The following DDX10 variants were observed in gnomAD, a reference collection of about 807,000 sequenced individuals.
The protein encoded by DDX10 is probable ATP-dependent RNA helicase DDX10.
A neutral mutation model predicts 104.3 loss-of-function variants in DDX10; 74 were observed. That is an observed-to-expected ratio of 0.71 (90% CI 0.59 to 0.86). The LOEUF is 0.86. DDX10 is among the 40% of genes least tolerant of loss of function. The pLI, the probability that DDX10 is intolerant of heterozygous loss-of-function variation, is 0.00. For missense variants in DDX10, 952 were observed against 1,040.0 expected (o/e 0.92, Z 1.16); for synonymous variants, 351 against 353.4 (o/e 0.99, Z 0.08).
intron 13 of DDX10, among the ~76,000 whole-genome samples, chr11:108,728,645 G>A (rs139348982): frequency 6.6e-6 from 1 of 151,554 alleles, no homozygotes; most frequent in East Asian, 1.9e-4. Context: ...CTCCTGAGTA[G>A]CTAGGACTTC....
At chr11:108,905,312 A>AGGGGG (rs35966996) in intron 16 of DDX10, among the ~76,000 whole-genome samples, 2 of 106,716 alleles carry the variant, frequency 1.9e-5, no homozygotes, top group African/African-American at 8.4e-5. Context: ...AGATTGTTTA[A>AGGGGG]GGGGGGGGGG....
At chr11:108,914,621 A>G (rs1050606885) in intron 16 of DDX10, among the ~76,000 whole-genome samples, 6 of 152,204 alleles carry the variant, frequency 3.9e-5, no homozygotes, top group African/African-American at 1.4e-4. Context: ...TATGTTATCT[A>G]CAATCTCCAG....
chr11:108,905,736 G>A (rs1195691656), intron 16 of DDX10, among the ~76,000 whole-genome samples: 20 of 152,056 alleles, frequency 1.3e-4, no homozygotes, highest in Non-Finnish European at 2.9e-5. Context: ...TTAGGCTGTT[G>A]TTGCATTACT....
chr11:108,898,103 T>C (rs2553769), intron 16 of DDX10, among the ~76,000 whole-genome samples: 137,179 of 152,186 alleles, frequency 0.9, 62,269 homozygotes, highest in East Asian at 0.96. Flanking sequence ...AACATTTGTA[T>C]ATACAGTGCC....
At chr11:108,680,513 C>T (rs1565244516) in intron 6 of DDX10, among the ~76,000 whole-genome samples, 2 of 152,146 alleles carry the variant, frequency 1.3e-5, no homozygotes, top group Admixed American at 6.5e-5. Context: ...GCCACTGTGC[C>T]CAGCTGGGAT....
At chr11:108,897,235 C>A (rs1472236554) in intron 16 of DDX10, among the ~76,000 whole-genome samples, 1 of 152,162 alleles carries the variant, frequency 6.6e-6, no homozygotes, top group Non-Finnish European at 1.5e-5. Context: ...GTTTGACTAG[C>A]TGCAAGCAGG....
intron 13 of DDX10, among the ~76,000 whole-genome samples, chr11:108,835,578 G>T (rs943830041): frequency 6.6e-6 from 1 of 152,200 alleles, no homozygotes; most frequent in Admixed American, 6.5e-5. Flanking sequence ...AAGAAGCAGC[G>T]AAAGCAATAA....
At chr11:108,837,706 T>C (rs369280172) in intron 13 of DDX10, among the ~76,000 whole-genome samples, 20 of 131,778 alleles carry the variant, frequency 1.5e-4, no homozygotes, top group African/African-American at 5.6e-4. Flanking sequence ...CACTGCAGCC[T>C]CCACCTCCTG....
chr11:108,789,763 T>G (rs952606895), intron 13 of DDX10, among the ~76,000 whole-genome samples: 1 of 152,180 alleles, frequency 6.6e-6, no homozygotes, highest in Admixed American at 6.5e-5. Flanking sequence ...CCAGGAAAAC[T>G]TTGTTACTTA....
At chr11:108,775,569 T>C (rs1365726847) in intron 13 of DDX10, among the ~76,000 whole-genome samples, 2 of 152,238 alleles carry the variant, frequency 1.3e-5, no homozygotes, top group Admixed American at 6.5e-5. Context: ...TCAGGTAGCA[T>C]GTGAGAACAG....
intron 16 of DDX10, among the ~76,000 whole-genome samples, chr11:108,888,763 G>T (rs1371297392): frequency 6.6e-6 from 1 of 150,574 alleles, no homozygotes; most frequent in African/African-American, 2.4e-5. Context: ...TGTCTGACAA[G>T]ATTTATCAAA....
chr11:108,738,722 G>A (rs561543236), intron 13 of DDX10, among the ~76,000 whole-genome samples: 2 of 152,240 alleles, frequency 1.3e-5, no homozygotes, highest in South Asian at 2.1e-4. Context: ...ATTTACTGAC[G>A]AAAGAGACTT....
intron 13 of DDX10, among the ~76,000 whole-genome samples, chr11:108,813,645 A>G (rs1296021909): frequency 6.6e-6 from 1 of 152,100 alleles, no homozygotes; most frequent in Non-Finnish European, 1.5e-5. Flanking sequence ...CAGGGCCTTC[A>G]CTACTCTAAT....
At chr11:108,672,549 A>G (rs1176847108) in intron 1 of DDX10, among the ~76,000 whole-genome samples, 6 of 152,262 alleles carry the variant, frequency 3.9e-5, no homozygotes, top group Non-Finnish European at 7.3e-5. Flanking sequence ...TGGAGGGCAC[A>G]GAGTAAACAC....
At chr11:108,675,848 C>G (rs888173915) in intron 3 of DDX10, 122 bp downstream of exon 3, 2 of 1,276,562 alleles carry the variant, frequency 1.6e-6, no homozygotes, top group Non-Finnish European at 2.2e-6. Context: ...GGCTAGAATG[C>G]GAGCTTCATC....
At chr11:108,928,055 C>T in intron 17 of DDX10, among the ~76,000 whole-genome samples, 1 of 152,200 alleles carries the variant, frequency 6.6e-6, no homozygotes, top group Non-Finnish European at 1.5e-5. Context: ...TTAATTCACA[C>T]ATCATTTAAA....
rs1862802291 is a variant in DDX10, at chr11:108,852,165, A to G, written c.2260A>G (p.Lys754Glu). 1 of 1,610,976 alleles carries G rather than the reference A, an allele frequency of 6.2e-7. No individual in the cohort carries two copies. Among genetic ancestry groups the G allele is most frequent in the Non-Finnish European group, 8.5e-7 (1 of 1,178,102 alleles). Residue 754 changes from lysine (K) to glutamate (E), a missense_variant, in exon 16 of 18, where the codon AAA becomes GAA. Physicochemically the swap from Lys to Glu is moderately conservative, Grantham distance 56. Transcript: ENST00000322536. ...IKAKHREKRL[K>E]EREARREANK... ...TCCTTGTCTCCAGGAGAAAAGACTGAAAGAAAGGGAAGCCAGAAGAGAAGC... is the reference window on the plus strand; with the variant it reads ...TCCTTGTCTCCAGGAGAAAAGACTGGAAGAAAGGGAAGCCAGAAGAGAAGC...
intron 14 of DDX10, among the ~76,000 whole-genome samples, chr11:108,840,318 T>C (rs1374720429): frequency 2.0e-5 from 3 of 152,202 alleles, no homozygotes; most frequent in Admixed American, 6.5e-5. Context: ...ATACCTGCGA[T>C]GTGTGTGCTT....
intron 13 of DDX10, among the ~76,000 whole-genome samples, chr11:108,749,502 A>C (rs959884122): frequency 1.3e-5 from 2 of 152,132 alleles, no homozygotes; most frequent in African/African-American, 4.8e-5. Flanking sequence ...GTTACACTTA[A>C]AGAAATCATA....
Sources: allele counts gnomAD v4.1 joint callset (sites outside exome capture counted in the v4.1 genomes callset), GRCh38; gene constraint gnomAD v4.1.1; transcripts MANE v1.5; gene names NCBI Gene and HGNC (gene_info 2026-07-23, HGNC 2026-07-21).